The following PSMC6 variants were observed in gnomAD, a reference collection of about 807,000 sequenced individuals.
PSMC6 encodes the protein proteasome 26S subunit, ATPase 6, also known as 26S proteasome regulatory subunit 10B.
In PSMC6, 3 loss-of-function variants were observed where a neutral mutation model predicts 55.9. The observed-to-expected ratio is 0.05, with a 90% CI of 0.02 to 0.14. The LOEUF (loss-of-function observed/expected upper bound fraction) is 0.14. Among genes scored for constraint, PSMC6 ranks in the 10% least tolerant of loss-of-function variants. The pLI, the probability that PSMC6 is intolerant of heterozygous loss-of-function variation, is 1.00. For synonymous variants in PSMC6, 137 were observed against 155.9 expected (o/e 0.88, Z 0.90); for missense variants, 210 against 478.7 (o/e 0.44, Z 5.24).
Position 52,720,809 on chromosome 14 carries a change from A to C in PSMC6, c.778-52A>C, listed in dbSNP as rs1029289920. ...ATTAGACATATAAAAGGTGTGTGCT[A>C]TTTTTTTTAATGGTTAGAATTTTTG... is the stretch of plus-strand genomic sequence containing the variant. On this transcript the variant is annotated intron_variant, in intron 10 of 13. Transcript: ENST00000445930. 2.8e-6 allele frequency: 4 copies of C among 1,443,494 alleles called. No homozygotes were observed. In the Admixed American group the frequency reaches 7.5e-5, roughly 27 times the overall value. 89.4% of individuals were successfully genotyped at this position (1,443,494 alleles called of 1,614,324 possible). A position where few individuals can be genotyped will look rare whatever the true frequency, so the allele number is the denominator to read the frequency against.
chr14:52,708,485 C>G lies in PSMC6; in HGVS notation c.168C>G (p.Ile56Met). Reference sequence around the variant, plus strand: ...ATGCTTTTTATTTTCTTCCTTAGATCGTGGGTGAAGTGCTTAAACAGTTAA... The same window carrying G: ...ATGCTTTTTATTTTCTTCCTTAGATGGTGGGTGAAGTGCTTAAACAGTTAA... ...DLKALQSVGQ[I>M]VGEVLKQLTE... The change falls in exon 3 of 14, where the codon ATC becomes ATG. Residue 56 changes from isoleucine to methionine, a missense_variant and splice_region_variant. Ile to Met is a conservative substitution (Grantham distance 10). Transcript: ENST00000445930. 1 of 1,613,766 alleles carries G rather than the reference C, an allele frequency of 6.2e-7. No homozygotes were observed. Among genetic ancestry groups the G allele is most frequent in the Non-Finnish European group, 8.5e-7 (1 of 1,179,898 alleles).
intron 12 of PSMC6, chr14:52,723,009 T>C (rs1016980409): frequency 1.3e-5 from 2 of 152,234 alleles, no homozygotes; most frequent in African/African-American, 4.8e-5. Flanking sequence ...TAGCTGATTG[T>C]TGAATTTCAC....
intron 6 of PSMC6, among the ~76,000 whole-genome samples, chr14:52,712,018 T>C (rs1041001747): frequency 6.6e-6 from 1 of 152,200 alleles, no homozygotes; most frequent in African/African-American, 2.4e-5. Flanking sequence ...TGTAAGCTTT[T>C]AGGTGAACAG....
chr14:52,726,744 C>T (rs1042827993), intron 13 of PSMC6, among the ~76,000 whole-genome samples: 4 of 152,150 alleles, frequency 2.6e-5, no homozygotes, highest in Non-Finnish European at 4.4e-5. Context: ...CGGGTTCAAG[C>T]GATTCTCCTG....
chr14:52,707,352 T>G, intron 1 of PSMC6, 48 bp downstream of exon 1: 1 of 1,608,920 alleles, frequency 6.2e-7, no homozygotes, highest in Non-Finnish European at 8.5e-7. Context: ...GACTCGCTTC[T>G]GCCTCTGACA....
chr14:52,727,960 G>A lies in PSMC6; in HGVS notation c.*343G>A, dbSNP rs929041138. Reference sequence around the variant, plus strand: ...ATCATTTGTTTTCCTCATCTAAAAAGTTGAATAAAATCTGTTTGATTCAGT... The same window carrying A: ...ATCATTTGTTTTCCTCATCTAAAAAATTGAATAAAATCTGTTTGATTCAGT... On this transcript the variant is annotated 3_prime_UTR_variant, in exon 14 of 14. Transcript: ENST00000445930. 1 of 180,820 alleles carries A rather than the reference G, an allele frequency of 5.5e-6. No homozygotes were observed. The highest frequency in any genetic ancestry group is 2.4e-5 in the African/African-American group (1 of 42,028). 11.2% of individuals were successfully genotyped at this position (180,820 alleles called of 1,614,324 possible). A position where few individuals can be genotyped will look rare whatever the true frequency, so the allele number is the denominator to read the frequency against.
chr14:52,710,998 T>C, intron 4 of PSMC6, 103 bp from the exon 5 acceptor site: 1 of 859,936 alleles, frequency 1.2e-6, no homozygotes, highest in Non-Finnish European at 1.9e-6. Context: ...GTGTTCTCTC[T>C]GGAGGGTAAA....
intron 6 of PSMC6, among the ~76,000 whole-genome samples, chr14:52,713,004 G>A (rs911263032): frequency 6.6e-6 from 1 of 152,086 alleles, no homozygotes; most frequent in Admixed American, 6.5e-5. Context: ...GGCTGAGGTG[G>A]GTGGATCATC....
rs552783735 is a variant in PSMC6 at position 52,728,344 on chromosome 14, C to G, written c.*727C>G. The G allele has an allele frequency of 4.6e-5, 7 of 152,254 alleles. No individual in the cohort carries two copies. The highest frequency in any genetic ancestry group is 1.4e-4 in the African/African-American group (6 of 41,552). The allele number at this position is 152,254 out of a possible 1,614,324, so 9.4% of individuals were successfully genotyped here. ...TTGGTTTATGTAAGACGATAGGTCC[C>G]TGTTGAGGATGTGGAGGTCTGGACC... is the stretch of plus-strand genomic sequence containing the variant. On this transcript the variant is annotated 3_prime_UTR_variant, in exon 14 of 14. Coordinates refer to ENST00000445930, the MANE Select transcript of PSMC6 (RefSeq NM_002806.5).
intron 3 of PSMC6, 80 bp from the exon 4 acceptor site, chr14:52,708,684 A>C: frequency 6.3e-7 from 1 of 1,590,290 alleles, no homozygotes; most frequent in Non-Finnish European, 8.6e-7. Context: ...ACAGAAATAC[A>C]ACTAAACCCT....
intron 6 of PSMC6, among the ~76,000 whole-genome samples, 179 bp downstream of exon 6, chr14:52,711,703 G>GTT (rs199666940): frequency 1.3e-5 from 2 of 151,390 alleles, no homozygotes; most frequent in African/African-American, 4.9e-5. Flanking sequence ...GAAAATTACT[G>GTT]TTTTTTTTTA....
At chr14:52,707,967 G>C (rs543205686) in intron 1 of PSMC6, among the ~76,000 whole-genome samples, 1 of 152,334 alleles carries the variant, frequency 6.6e-6, no homozygotes, top group South Asian at 2.1e-4. Context: ...ACGTGGGTAG[G>C]TGAAGAGGTG....
At chr14:52,712,384 T>A (rs866571422) in intron 6 of PSMC6, among the ~76,000 whole-genome samples, 24 of 139,412 alleles carry the variant, frequency 1.7e-4, no homozygotes, top group African/African-American at 1.9e-4. Context: ...GGTCTAAGTG[T>A]AAAAAAAAAA....
Position 52,707,361 on chromosome 14 carries a change from C to T in PSMC6, c.85+57C>T, listed in dbSNP as rs757444946. ...TGCCTCGACTCGCTTCTGCCTCTGA[C>T]AAAGCAGAAGCCTTTCGCCGAGCCC... On this transcript the variant is annotated intron_variant, in intron 1 of 13. Coordinates refer to ENST00000445930, the MANE Select transcript of PSMC6 (RefSeq NM_002806.5). 6 of 1,604,390 alleles carry T rather than the reference C, an allele frequency of 3.7e-6. No homozygotes were observed. The African/African-American group carries it at 8.0e-5, about 21-fold the overall frequency.
At chr14:52,727,319 G>A (rs1017711699) in intron 13 of PSMC6, among the ~76,000 whole-genome samples, 180 bp from the exon 14 acceptor site, 2 of 151,898 alleles carry the variant, frequency 1.3e-5, no homozygotes, top group African/African-American at 2.4e-5. Flanking sequence ...GTGAGCCACC[G>A]CACCCGGCCT....
chr14:52,711,126 G>C lies in PSMC6; in HGVS notation c.284G>C (p.Gly95Ala). The C allele has an allele frequency of 1.3e-6, 2 of 1,598,042 alleles. No individual in the cohort carries two copies. The highest frequency in any genetic ancestry group is 3.4e-5 in the Admixed American group (2 of 58,570). ...RQLDKSKLKPGTRVALDMTTL... is the reference protein window; with the variant it reads ...RQLDKSKLKPATRVALDMTTL... Reference sequence around the variant, plus strand: ...CTTGACAAAAGTAAGCTGAAGCCAGGAACAAGAGTTGCTTTGGATATGACT... The same window carrying C: ...CTTGACAAAAGTAAGCTGAAGCCAGCAACAAGAGTTGCTTTGGATATGACT... The change falls in exon 5 of 14, where the codon GGA becomes GCA. Residue 95 changes from glycine to alanine, a missense_variant. Gly to Ala is a moderately conservative substitution (Grantham distance 60). Coordinates refer to ENST00000445930, the MANE Select transcript of PSMC6 (RefSeq NM_002806.5).
At chr14:52,726,312 A>G (rs1880408139) in intron 13 of PSMC6, among the ~76,000 whole-genome samples, 1 of 152,262 alleles carries the variant, frequency 6.6e-6, no homozygotes, top group Admixed American at 6.5e-5. Context: ...TGTGATACTC[A>G]AATATGAATC....
intron 4 of PSMC6, among the ~76,000 whole-genome samples, chr14:52,709,324 C>G (rs1293974171): frequency 6.6e-6 from 1 of 152,180 alleles, no homozygotes; most frequent in Non-Finnish European, 1.5e-5. Flanking sequence ...TGTCTGAAAT[C>G]AATTTATGTA....
intron 7 of PSMC6, among the ~76,000 whole-genome samples, chr14:52,714,346 TG>T (rs2041806961): frequency 6.6e-6 from 1 of 152,150 alleles, no homozygotes; most frequent in Non-Finnish European, 1.5e-5. Context: ...GGCCATAAGG[TG>T]GAAATTTGAT....
Sources: gnomAD v4.1 joint callset for allele counts (sites outside exome capture counted in the v4.1 genomes callset) on GRCh38, gnomAD v4.1.1 for gene constraint, MANE v1.5 for transcripts, NCBI Gene and HGNC (gene_info 2026-07-23, HGNC 2026-07-21) for gene names.